Variants in ZFAND3 observed in about 807,000 individuals in gnomAD.
ZFAND3 encodes AN1-type zinc finger protein 3.
Under a neutral mutation model 29.6 loss-of-function variants are expected in ZFAND3, and 10 were observed. The ratio of observed to expected loss-of-function variants is 0.34; its 90% CI spans 0.21 to 0.57. The LOEUF is 0.57. ZFAND3 is among the 20% of genes least tolerant of loss of function. The pLI, the probability that ZFAND3 is intolerant of heterozygous loss-of-function variation, is 0.86. For missense variants in ZFAND3, 230 were observed against 304.5 expected (o/e 0.76, Z 1.82); for synonymous variants, 128 against 112.6 (o/e 1.14, Z -0.87).
intron 2 of ZFAND3, among the ~76,000 whole-genome samples, chr6:37,958,453 C>CA (rs11356169): frequency 0.027 from 3,110 of 114,626 alleles, 60 homozygotes; most frequent in Non-Finnish European, 0.037. Flanking sequence ...GACTCGGTCT[C>CA]AAAAAAAAAA....
intron 2 of ZFAND3, among the ~76,000 whole-genome samples, chr6:38,005,911 A>G (rs1461363198): frequency 1.3e-5 from 2 of 152,220 alleles, no homozygotes; most frequent in African/African-American, 2.4e-5. Context: ...TCTTGAGCCA[A>G]TAATTCTGGT....
intron 2 of ZFAND3, among the ~76,000 whole-genome samples, chr6:37,992,468 ACT>A (rs1762775502): frequency 1.3e-5 from 2 of 152,174 alleles, no homozygotes; most frequent in Non-Finnish European, 2.9e-5. Flanking sequence ...TTTCACTGAG[ACT>A]GAGCAGTTAC....
At chr6:37,851,340 C>A (rs1170079038) in intron 1 of ZFAND3, among the ~76,000 whole-genome samples, 1 of 152,032 alleles carries the variant, frequency 6.6e-6, no homozygotes, top group African/African-American at 2.4e-5. Context: ...TTTTTTCCCA[C>A]TCTATTTTAT....
chr6:38,006,236 A>G (rs1763046397), intron 2 of ZFAND3, among the ~76,000 whole-genome samples: 1 of 152,108 alleles, frequency 6.6e-6, no homozygotes, highest in African/African-American at 2.4e-5. Context: ...AGTTTAATGG[A>G]CCTGAGGTAA....
At chr6:37,971,204 C>G (rs1762382303) in intron 2 of ZFAND3, among the ~76,000 whole-genome samples, 1 of 152,134 alleles carries the variant, frequency 6.6e-6, no homozygotes, top group Non-Finnish European at 1.5e-5. Flanking sequence ...ATTTTGAACC[C>G]ATAATCTGAG....
At chr6:38,036,651 TTATC>T (rs1481945979) in intron 2 of ZFAND3, among the ~76,000 whole-genome samples, 1 of 152,080 alleles carries the variant, frequency 6.6e-6, no homozygotes, top group Non-Finnish European at 1.5e-5. Flanking sequence ...CAAGTAGAGA[TTATC>T]AATAAAGAGA....
At chr6:38,143,388 C>T (rs764214769) in intron 5 of ZFAND3, among the ~76,000 whole-genome samples, 20 of 152,274 alleles carry the variant, frequency 1.3e-4, no homozygotes, top group Non-Finnish European at 2.4e-4. Flanking sequence ...AGCGATGTGA[C>T]GGCACATGCC....
At chr6:37,830,366 C>T (rs1269597252) in intron 1 of ZFAND3, among the ~76,000 whole-genome samples, 1 of 152,120 alleles carries the variant, frequency 6.6e-6, no homozygotes, top group Non-Finnish European at 1.5e-5. Flanking sequence ...GAGGTGGTCT[C>T]ATCTGTAAGG....
intron 4 of ZFAND3, among the ~76,000 whole-genome samples, chr6:38,113,337 C>T (rs1765355952): frequency 6.6e-6 from 1 of 152,082 alleles, no homozygotes; most frequent in Non-Finnish European, 1.5e-5. Context: ...TTAGGATGAT[C>T]AGTATATCAT....
At chr6:38,012,840 C>T (rs1195980271) in intron 2 of ZFAND3, among the ~76,000 whole-genome samples, 1 of 152,112 alleles carries the variant, frequency 6.6e-6, no homozygotes, top group African/African-American at 2.4e-5. Context: ...AGTTGATCCT[C>T]TTAAGTGTAC....
intron 1 of ZFAND3, chr6:37,832,779 T>C (rs572835790): frequency 6.6e-6 from 1 of 152,106 alleles, no homozygotes; most frequent in African/African-American, 2.4e-5. Flanking sequence ...TGGGCTTAAG[T>C]GATCCTTCTG....
chr6:37,822,598 G>T (rs1355024832), intron 1 of ZFAND3, among the ~76,000 whole-genome samples: 1 of 152,162 alleles, frequency 6.6e-6, no homozygotes. Context: ...CTGGGGCAGG[G>T]GGCACAGGGA....
chr6:38,076,015 G>A (rs576456343), intron 3 of ZFAND3, among the ~76,000 whole-genome samples: 1 of 152,164 alleles, frequency 6.6e-6, no homozygotes, highest in South Asian at 2.1e-4. Context: ...GCCTTGCAAA[G>A]CGCTGGGATT....
In ZFAND3 at chr6:37,956,216, A is replaced by G. The variant is rs112521562; in HGVS notation, c.112+26217A>G. 1.4e-3 allele frequency among the ~76,000 whole-genome samples: 220 copies of G among 152,338 alleles called. 1 individual carries two copies. Among genetic ancestry groups the G allele is most frequent in the African/African-American group, 4.4e-3 (182 of 41,564 alleles). ...TTACTGTGCTCAGGGCAATATTTCT[A>G]AAACTTGAGCATATACCTAGAGGGG... On this transcript the variant is annotated intron_variant, in intron 2 of 5. Transcript: ENST00000287218.
chr6:38,123,966 A>G (rs1304006585), intron 5 of ZFAND3, among the ~76,000 whole-genome samples: 3 of 152,040 alleles, frequency 2.0e-5, no homozygotes, highest in Admixed American at 6.5e-5. Context: ...GGTTGCCACT[A>G]CTGACACAGG....
chr6:37,963,224 C>G (rs1033096473), intron 2 of ZFAND3, among the ~76,000 whole-genome samples: 6 of 152,028 alleles, frequency 3.9e-5, no homozygotes, highest in African/African-American at 7.3e-5. Flanking sequence ...TAGATTTAAC[C>G]CAAAGAAGAC....
At chr6:38,001,955 GT>G (rs1346721640) in intron 2 of ZFAND3, among the ~76,000 whole-genome samples, 2 of 152,214 alleles carry the variant, frequency 1.3e-5, no homozygotes, top group South Asian at 2.1e-4. Context: ...TGAATACAGA[GT>G]TTAGCATCCT....
At chr6:37,931,595 T>A (rs1049678225) in intron 2 of ZFAND3, among the ~76,000 whole-genome samples, 1 of 148,636 alleles carries the variant, frequency 6.7e-6, no homozygotes, top group Admixed American at 6.7e-5. Context: ...GAAATGTTAG[T>A]GTGTGTAAGT....
chr6:38,103,169 C>T (rs1581919402), intron 4 of ZFAND3, among the ~76,000 whole-genome samples: 1 of 151,966 alleles, frequency 6.6e-6, no homozygotes, highest in East Asian at 1.9e-4. Context: ...TTTCAAACTG[C>T]GACTTTAAGG....
Sources: gnomAD v4.1 joint callset for allele counts (sites outside exome capture counted in the v4.1 genomes callset) on GRCh38, gnomAD v4.1.1 for gene constraint, MANE v1.5 for transcripts, NCBI Gene and HGNC (gene_info 2026-07-23, HGNC 2026-07-21) for gene names.